SLC24A5: variants seen among roughly 807,000 people sequenced by gnomAD.
The protein encoded by SLC24A5 is solute carrier family 24 member 5, also known as sodium/potassium/calcium exchanger 5.
A neutral mutation model predicts 51.6 loss-of-function variants in SLC24A5; 46 were observed. The ratio of observed to expected loss-of-function variants is 0.89; its 90% CI spans 0.70 to 1.14. The LOEUF is 1.14. Ranked by LOEUF, SLC24A5 falls within the 50% of genes most tolerant of loss-of-function variation. The pLI, the probability that SLC24A5 is intolerant of heterozygous loss-of-function variation, is 0.00. For missense variants in SLC24A5, 581 were observed against 604.1 expected (o/e 0.96, Z 0.40); for synonymous variants, 230 against 214.9 (o/e 1.07, Z -0.62).
intron 2 of SLC24A5, among the ~76,000 whole-genome samples, chr15:48,133,600 A>AATC (rs1334213895): frequency 1.3e-5 from 2 of 152,274 alleles, no homozygotes; most frequent in African/African-American, 4.8e-5. Flanking sequence ...CACAATATTA[A>AATC]ATCTAGTTAT....
At chr15:48,139,269 T>C in intron 7 of SLC24A5, 94 bp downstream of exon 7, 1 of 1,042,174 alleles carries the variant, frequency 9.6e-7, no homozygotes, top group Non-Finnish European at 1.4e-6. Context: ...ACACAGCAAA[T>C]TTCTTTTCAG....
intron 2 of SLC24A5, among the ~76,000 whole-genome samples, chr15:48,129,328 A>T (rs956696432): frequency 6.6e-6 from 1 of 152,070 alleles, no homozygotes; most frequent in Non-Finnish European, 1.5e-5. Flanking sequence ...TTCCCTCAAA[A>T]TATTTCTAGG....
chr15:48,135,016 TAGAG>T, intron 5 of SLC24A5, 32 bp downstream of exon 5: 1 of 1,521,716 alleles, frequency 6.6e-7, no homozygotes, highest in Non-Finnish European at 9.0e-7. Context: ...ATGTAAAAAT[TAGAG>T]ATTTTATGAA....
rs1485853938 is a variant in SLC24A5 at position 48,134,339 on chromosome 15, T to C, written c.383T>C (p.Leu128Pro). The change falls in exon 3 of 9, where the codon CTA becomes CCA. Residue 128 changes from leucine to proline, a missense_variant and splice_region_variant. Physicochemically the swap from Leu to Pro is moderately conservative, Grantham distance 98 (BLOSUM62 -3). Coordinates refer to ENST00000341459, the MANE Select transcript of SLC24A5 (RefSeq NM_205850.3). ...GCTCCTGAATTAGTTACTGCTTTCC[T>C]AGGTAAATATTGCTCCTTATACTTC... ...SSAPELVTAF[L>P]GVFITKGDIG... 6.2e-7 allele frequency: 1 copy of C among 1,613,416 alleles called. No individual in the cohort carries two copies. Among genetic ancestry groups the C allele is most frequent in the Non-Finnish European group, 8.5e-7 (1 of 1,179,584 alleles).
At chr15:48,139,987 T>C (rs1233595192) in intron 7 of SLC24A5, 1 of 152,076 alleles carries the variant, frequency 6.6e-6, no homozygotes, top group Non-Finnish European at 1.5e-5. Flanking sequence ...AAATAATTAC[T>C]ATCTGGCCCC....
In SLC24A5 at chr15:48,122,033, G is replaced by T; in HGVS notation, c.298G>T (p.Glu100Ter). Reference sequence around the variant, plus strand: ...CCTACCCTCCCTGGAAATCATCAGTGAATGTAAGTGGCTGGAAAGTTGCCC... The same window carrying T: ...CCTACCCTCCCTGGAAATCATCAGTTAATGTAAGTGGCTGGAAAGTTGCCC... The part of the protein sequence containing the change: ...YFLPSLEIIS[E>*]SLGLSQDVAG... The change falls in exon 2 of 9, where the codon GAA becomes TAA. Residue 100 changes from glutamate (E) to a stop codon, truncating the protein, a stop_gained. Transcript: ENST00000341459. LOFTEE classifies it high-confidence loss of function. 6.2e-7 allele frequency: 1 copy of T among 1,614,164 alleles called. No homozygotes were observed. The highest frequency in any genetic ancestry group is 8.5e-7 in the Non-Finnish European group (1 of 1,180,016).
Position 48,134,547 on chromosome 15 carries a change from C to A in SLC24A5, c.489+9C>A, listed in dbSNP as rs535986274. 74 of 1,589,102 alleles carry A rather than the reference C, an allele frequency of 4.7e-5. 1 individual carries two copies. In the South Asian group the frequency reaches 7.8e-4, roughly 17 times the overall value. On this transcript the variant is annotated intron_variant, in intron 4 of 8. Coordinates refer to ENST00000341459, the MANE Select transcript of SLC24A5 (RefSeq NM_205850.3). Reference sequence around the variant, plus strand: ...GTTTGCTATCTAATACGGTATGTAACAAAACCATTCAACAAAATGTATTGT... The same window carrying A: ...GTTTGCTATCTAATACGGTATGTAAAAAAACCATTCAACAAAATGTATTGT...
chr15:48,140,441 TAC>T (rs2039029878), intron 7 of SLC24A5: 1 of 152,174 alleles, frequency 6.6e-6, no homozygotes, highest in Non-Finnish European at 1.5e-5. Flanking sequence ...AAGGAACAGT[TAC>T]ATAACCTTTT....
intron 7 of SLC24A5, chr15:48,139,531 AAAG>A (rs1279212292): frequency 6.2e-6 from 1 of 160,756 alleles, no homozygotes; most frequent in Non-Finnish European, 1.4e-5. Flanking sequence ...TAAAAAAAAA[AAAG>A]AACAAAAAAA....
intron 2 of SLC24A5, among the ~76,000 whole-genome samples, chr15:48,127,622 C>A (rs1031311271): frequency 6.6e-6 from 1 of 152,070 alleles, no homozygotes; most frequent in Non-Finnish European, 1.5e-5. Flanking sequence ...AGTTCGAGAC[C>A]AGCCTGGCCA....
chr15:48,141,649 G>GT (rs2039091944), intron 8 of SLC24A5: 1 of 162,640 alleles, frequency 6.1e-6, no homozygotes, highest in African/African-American at 2.4e-5. Context: ...GGGGAAAAAA[G>GT]TGACTCCAGA....
In SLC24A5 at chr15:48,139,167, CAAT is replaced by C; in HGVS notation, c.1073_1075del (p.Ile358del). 6.2e-7 allele frequency: 1 copy of C among 1,609,212 alleles called. No individual in the cohort carries two copies. Among genetic ancestry groups the C allele is most frequent in the Non-Finnish European group, 8.5e-7 (1 of 1,176,678 alleles). ...ACATATATCCTGGTTTGGATGGTCACAATAACTGGTATGTATTTTAAGTACAAT... is the reference window on the plus strand; with the variant it reads ...ACATATATCCTGGTTTGGATGGTCACAACTGGTATGTATTTTAAGTACAAT... On this transcript the variant is annotated inframe_deletion, in exon 7 of 9. Coordinates refer to ENST00000341459, the MANE Select transcript of SLC24A5 (RefSeq NM_205850.3).
At chr15:48,141,761 T>C (rs904693886) in intron 8 of SLC24A5, 3 of 234,898 alleles carry the variant, frequency 1.3e-5, no homozygotes, top group Non-Finnish European at 1.6e-5. Flanking sequence ...CCATTAACCA[T>C]GTTAAATTAC....
chr15:48,141,231 T>A lies in SLC24A5; in HGVS notation c.1180+17T>A. 3 of 1,562,352 alleles carry A rather than the reference T, an allele frequency of 1.9e-6. No individual in the cohort carries two copies. The highest frequency in any genetic ancestry group is 2.6e-6 in the Non-Finnish European group (3 of 1,133,280). On this transcript the variant is annotated intron_variant, in intron 8 of 8. Transcript: ENST00000341459. ...CAAGAAAAGGTAAGAACTAGGTCCC[T>A]CAAGCTGCAATGGTCATTCTACAAG...
rs1056661599 is a variant in SLC24A5 at position 48,121,177 on chromosome 15, T to C, written c.121+12T>C. The C allele has an allele frequency of 3.7e-6, 6 of 1,605,276 alleles. No homozygotes were observed. Among genetic ancestry groups the C allele is most frequent in the Non-Finnish European group, 4.3e-6 (5 of 1,175,576 alleles). On this transcript the variant is annotated intron_variant, in intron 1 of 8. Transcript: ENST00000341459. ...CCCAAGGGCCACAGGTAGGTGGACA[T>C]TGGGGTCAGTTAGCTCTGCAGCAGC... is the stretch of plus-strand genomic sequence containing the variant.
chr15:48,123,669 C>T (rs1191278490), intron 2 of SLC24A5: 1 of 151,944 alleles, frequency 6.6e-6, no homozygotes, highest in African/African-American at 2.4e-5. Context: ...AATGTCATGC[C>T]CATAATTGTA....
intron 1 of SLC24A5, among the ~76,000 whole-genome samples, chr15:48,121,452 C>T (rs1417012357): frequency 6.6e-6 from 1 of 152,132 alleles, no homozygotes; most frequent in Non-Finnish European, 1.5e-5. Flanking sequence ...ATTCTCTCTG[C>T]AACAGTGGAT....
chr15:48,142,489 A>C lies in SLC24A5; in HGVS notation c.*138A>C. 1 of 617,998 alleles carries C rather than the reference A, an allele frequency of 1.6e-6. No homozygotes were observed. The highest frequency in any genetic ancestry group is 2.5e-6 in the Non-Finnish European group (1 of 395,338). The allele number at this position is 617,998 out of a possible 1,614,324, so 38.3% of individuals were successfully genotyped here. ...TTACAGTAATTTAAAACCAACCAAA[A>C]TCACATCCTAATTTTTCTGAGCCCT... is the stretch of plus-strand genomic sequence containing the variant. On this transcript the variant is annotated 3_prime_UTR_variant, in exon 9 of 9. Transcript: ENST00000341459.
intron 5 of SLC24A5, 112 bp from the exon 6 acceptor site, chr15:48,136,571 T>G (rs1226840858): frequency 1.0e-6 from 1 of 968,748 alleles, no homozygotes; most frequent in Non-Finnish European, 1.5e-6. Context: ...AAATGTTTGA[T>G]TGTTCTATGG....
Sources: gnomAD v4.1 joint callset for allele counts (sites outside exome capture counted in the v4.1 genomes callset) on GRCh38, gnomAD v4.1.1 for gene constraint, MANE v1.5 for transcripts, NCBI Gene and HGNC (gene_info 2026-07-23, HGNC 2026-07-21) for gene names.